The following VWA2 variants were observed in gnomAD, a reference collection of about 807,000 sequenced individuals.
VWA2 encodes the protein von Willebrand factor A domain-containing protein 2.
In VWA2, 73 loss-of-function variants were observed where a neutral mutation model predicts 70.4. The ratio of observed to expected loss-of-function variants is 1.04; its 90% CI spans 0.86 to 1.26. The LOEUF is 1.26. Ranked by LOEUF, VWA2 falls within the 50% of genes most tolerant of loss-of-function variation. VWA2 has a pLI of 0.00. For missense variants in VWA2, 1,011 were observed against 998.5 expected, an observed-to-expected ratio of 1.01 and a Z score of -0.17; for synonymous variants, 407 against 423.3, an observed-to-expected ratio of 0.96 and a Z score of 0.47.
chr10:114,287,551 C>G (rs1409568591), intron 11 of VWA2, among the ~76,000 whole-genome samples: 4 of 152,132 alleles, frequency 2.6e-5, no homozygotes, highest in Non-Finnish European at 5.9e-5. Flanking sequence ...TGCTTCTCAG[C>G]CCTGATGCCA....
chr10:114,292,626 C>T lies in VWA2; in HGVS notation c.*1389C>T, dbSNP rs1024273829. ...TCGCTGCAGTATTTAGGAATTACTT[C>T]TTCTCCTTGGTTGTGTTGTTTAGAG... On this transcript the variant is annotated 3_prime_UTR_variant, in exon 14 of 14. Transcript: ENST00000392982. 6.7e-6 allele frequency among the ~76,000 whole-genome samples: 1 copy of T among 150,358 alleles called. No individual in the cohort carries two copies. Among genetic ancestry groups the T allele is most frequent in the Non-Finnish European group, 1.5e-5 (1 of 67,712 alleles).
chr10:114,271,077 C>A (rs532130433), intron 5 of VWA2, among the ~76,000 whole-genome samples: 1 of 152,270 alleles, frequency 6.6e-6, no homozygotes, highest in Non-Finnish European at 1.5e-5. Context: ...TGTATCCTTG[C>A]ATTCCTTTTT....
chr10:114,242,358 C>G (rs1243160725), intron 1 of VWA2, among the ~76,000 whole-genome samples: 1 of 152,190 alleles, frequency 6.6e-6, no homozygotes, highest in Non-Finnish European at 1.5e-5. Flanking sequence ...GGCTCATGCT[C>G]AGGTATCCTG....
intron 5 of VWA2, among the ~76,000 whole-genome samples, chr10:114,266,122 C>T (rs1184553982): frequency 1.3e-5 from 2 of 152,034 alleles, no homozygotes; most frequent in African/African-American, 4.8e-5. Context: ...ACGGTGAAAC[C>T]CCATCTCTAC....
At chr10:114,249,638 C>T (rs1372285937) in intron 2 of VWA2, among the ~76,000 whole-genome samples, 2 of 152,216 alleles carry the variant, frequency 1.3e-5, no homozygotes, top group Non-Finnish European at 2.9e-5. Context: ...TGGCTTCTAG[C>T]TCCACCCATG....
chr10:114,258,097 A>C (rs2037368447), intron 4 of VWA2, among the ~76,000 whole-genome samples: 1 of 152,228 alleles, frequency 6.6e-6, no homozygotes, highest in Admixed American at 6.5e-5. Context: ...CTTGACCTCC[A>C]AGGTCAGGTG....
chr10:114,290,916 T>C (rs747300069), intron 13 of VWA2, among the ~76,000 whole-genome samples: 1 of 152,114 alleles, frequency 6.6e-6, no homozygotes, highest in Non-Finnish European at 1.5e-5. Flanking sequence ...AGAGTGATCG[T>C]TGGGAGGCAT....
At chr10:114,242,839 C>T (rs2036998160) in intron 1 of VWA2, among the ~76,000 whole-genome samples, 1 of 152,170 alleles carries the variant, frequency 6.6e-6, no homozygotes, top group Non-Finnish European at 1.5e-5. Flanking sequence ...TAACATCATT[C>T]ATTTAGAAAA....
chr10:114,260,963 G>A (rs1358551320), intron 4 of VWA2, among the ~76,000 whole-genome samples: 1 of 152,196 alleles, frequency 6.6e-6, no homozygotes, highest in Admixed American at 6.5e-5. Context: ...AGATTGAATT[G>A]GGGGTCATCA....
intron 11 of VWA2, 58 bp downstream of exon 11, chr10:114,286,569 T>C: frequency 2.1e-6 from 3 of 1,441,402 alleles, no homozygotes; most frequent in South Asian, 1.4e-5. Flanking sequence ...CTTCCTCCTT[T>C]TGGCCACCAC....
intron 5 of VWA2, among the ~76,000 whole-genome samples, chr10:114,264,773 G>A (rs979771497): frequency 2.6e-5 from 4 of 151,836 alleles, no homozygotes; most frequent in Admixed American, 2.6e-4. Flanking sequence ...TGGCTGGAGT[G>A]CAATGGCACG....
intron 9 of VWA2, among the ~76,000 whole-genome samples, chr10:114,282,947 T>G (rs1264455082): frequency 6.6e-6 from 1 of 152,140 alleles, no homozygotes; most frequent in Non-Finnish European, 1.5e-5. Flanking sequence ...GAAGCCCATT[T>G]CCCTCCTCCA....
At chr10:114,263,959 G>A (rs985693870) in intron 5 of VWA2, among the ~76,000 whole-genome samples, 1 of 152,206 alleles carries the variant, frequency 6.6e-6, no homozygotes, top group African/African-American at 2.4e-5. Context: ...ACCTTAGTGA[G>A]CTACCATGTC....
intron 4 of VWA2, 63 bp downstream of exon 4, chr10:114,255,111 G>A (rs1156801814): frequency 7.6e-6 from 12 of 1,587,178 alleles, no homozygotes; most frequent in South Asian, 1.1e-5. Context: ...ACAGAAACCC[G>A]GTCTCAAGCA....
chr10:114,255,140 T>C, intron 4 of VWA2, 92 bp downstream of exon 4: 1 of 1,529,170 alleles, frequency 6.5e-7, no homozygotes, highest in Non-Finnish European at 8.9e-7. Context: ...ATCTACTCGC[T>C]TGTGGAGCTG....
At chr10:114,256,450 T>C (rs2037329768) in intron 4 of VWA2, among the ~76,000 whole-genome samples, 1 of 152,190 alleles carries the variant, frequency 6.6e-6, no homozygotes, top group African/African-American at 2.4e-5. Context: ...TTCTTATATC[T>C]GTATACACTC....
Position 114,286,052 on chromosome 10 carries a change from CG to C in VWA2, c.1114del (p.Ala372ProfsTer3), listed in dbSNP as rs1314717551. The C allele has an allele frequency of 1.2e-6, 2 of 1,613,990 alleles. No homozygotes were observed. Among genetic ancestry groups the C allele is most frequent in the African/African-American group, 2.7e-5 (2 of 74,938 alleles). Reference sequence around the variant, plus strand: ...CAAAGTCTTCGTGAAGCGGTTTGTGCGGGCCGTGCTGAGCGAGGACTCTCGG... The same window carrying C: ...CAAAGTCTTCGTGAAGCGGTTTGTGCGGCCGTGCTGAGCGAGGACTCTCGG... ...RAKVFVKRFV[R>X]AVLSEDSRAR... On this transcript the variant is annotated frameshift_variant, in exon 11 of 14. Coordinates refer to ENST00000392982, the MANE Select transcript of VWA2 (RefSeq NM_001272046.2). LOFTEE classifies it high-confidence loss of function.
At chr10:114,249,313 A>G (rs373671512) in intron 2 of VWA2, among the ~76,000 whole-genome samples, 8 of 152,148 alleles carry the variant, frequency 5.3e-5, no homozygotes, top group East Asian at 1.9e-4. Flanking sequence ...CTGGAGTGCA[A>G]TGGCGCAATC....
At chr10:114,250,332 T>C (rs972392296) in intron 2 of VWA2, among the ~76,000 whole-genome samples, 1 of 152,244 alleles carries the variant, frequency 6.6e-6, no homozygotes, top group Non-Finnish European at 1.5e-5. Flanking sequence ...AAATCCACTT[T>C]CTTTTTACTT....
Sources: gnomAD v4.1 joint callset for allele counts (sites outside exome capture counted in the v4.1 genomes callset) on GRCh38, gnomAD v4.1.1 for gene constraint, MANE v1.5 for transcripts, NCBI Gene and HGNC (gene_info 2026-07-23, HGNC 2026-07-21) for gene names.